NRCAM: variants seen among roughly 807,000 people sequenced by gnomAD.
The protein encoded by NRCAM is NgCAM-related cell adhesion molecule.
NRCAM carries 83 observed loss-of-function variants against 156.5 expected under a neutral mutation model. The observed-to-expected ratio is 0.53, with a 90% CI of 0.44 to 0.64. NRCAM has a LOEUF of 0.64. Among genes scored for constraint, NRCAM ranks in the 30% least tolerant of loss-of-function variants. The pLI is 0.00. For synonymous variants in NRCAM, 538 were observed against 563.9 expected, an observed-to-expected ratio of 0.95 and a Z score of 0.65; for missense variants, 1,417 against 1,597.3, an observed-to-expected ratio of 0.89 and a Z score of 1.92.
intron 30 of NRCAM, among the ~76,000 whole-genome samples, chr7:108,161,898 A>G (rs1001378617): frequency 6.7e-6 from 1 of 150,190 alleles, no homozygotes; most frequent in Non-Finnish European, 1.5e-5. Context: ...TTATTAGAGA[A>G]GTTTTGAGCT....
At chr7:108,388,995 T>G (rs866357449) in intron 2 of NRCAM, among the ~76,000 whole-genome samples, 1 of 152,214 alleles carries the variant, frequency 6.6e-6, no homozygotes, top group East Asian at 1.9e-4. Flanking sequence ...GGTAGCATGA[T>G]GCCTCCAGCT....
chr7:108,346,362 T>C (rs2099354343), intron 2 of NRCAM, among the ~76,000 whole-genome samples: 1 of 152,176 alleles, frequency 6.6e-6, no homozygotes. Flanking sequence ...ACAGTATGCT[T>C]TTTTACATGT....
At chr7:108,288,585 CT>C (rs1418607512) in intron 3 of NRCAM, among the ~76,000 whole-genome samples, 3 of 152,182 alleles carry the variant, frequency 2.0e-5, no homozygotes, top group Non-Finnish European at 4.4e-5. Context: ...TTGCATACCC[CT>C]ATCTTTATTT....
At chr7:108,286,808 G>A (rs1259006944) in intron 3 of NRCAM, among the ~76,000 whole-genome samples, 6 of 152,132 alleles carry the variant, frequency 3.9e-5, no homozygotes, top group Non-Finnish European at 7.4e-5. Context: ...TTTAATGTCC[G>A]TAGAATCAGA....
At chr7:108,401,070 A>C (rs1395934626) in intron 1 of NRCAM, among the ~76,000 whole-genome samples, 2 of 151,968 alleles carry the variant, frequency 1.3e-5, no homozygotes, top group Non-Finnish European at 2.9e-5. Flanking sequence ...GACAAGCCTG[A>C]TCAACATGGT....
At chr7:108,414,924 G>C (rs189053068) in intron 1 of NRCAM, among the ~76,000 whole-genome samples, 2 of 152,262 alleles carry the variant, frequency 1.3e-5, no homozygotes, top group East Asian at 3.9e-4. Flanking sequence ...TGAACAGAGG[G>C]GCTTGCTGGG....
At chr7:108,201,566 T>C (rs1469703654) in intron 13 of NRCAM, among the ~76,000 whole-genome samples, 2 of 152,226 alleles carry the variant, frequency 1.3e-5, no homozygotes, top group African/African-American at 2.4e-5. Flanking sequence ...GTAAATTTTG[T>C]TATGTGTTTT....
chr7:108,215,665 C>T (rs548986555), intron 11 of NRCAM, among the ~76,000 whole-genome samples: 2 of 151,516 alleles, frequency 1.3e-5, no homozygotes, highest in Non-Finnish European at 2.9e-5. Context: ...TTATGTAATA[C>T]CCTTGTCTTT....
chr7:108,328,508 T>G (rs1173110695), intron 2 of NRCAM: 1 of 152,210 alleles, frequency 6.6e-6, no homozygotes, highest in Non-Finnish European at 1.5e-5. Context: ...AGCACATTTC[T>G]GCAGATAAAA....
At chr7:108,286,835 T>C (rs553054394) in intron 3 of NRCAM, among the ~76,000 whole-genome samples, 12 of 152,322 alleles carry the variant, frequency 7.9e-5, no homozygotes, top group Admixed American at 4.6e-4. Context: ...ATTTTTATTA[T>C]GTTTAGGCAC....
chr7:108,255,851 G>C (rs1329629916), intron 3 of NRCAM, among the ~76,000 whole-genome samples: 6 of 141,032 alleles, frequency 4.3e-5, no homozygotes, highest in Admixed American at 7.2e-5. Context: ...CCCTCCGCCC[G>C]GCAGCCGCCC....
At chr7:108,337,403 G>T (rs1245339991) in intron 2 of NRCAM, among the ~76,000 whole-genome samples, 1 of 151,956 alleles carries the variant, frequency 6.6e-6, no homozygotes, top group Non-Finnish European at 1.5e-5. Context: ...GCTTTTGCTC[G>T]CCATCCACCA....
intron 25 of NRCAM, chr7:108,178,394 G>C (rs1296679813): frequency 2.2e-6 from 1 of 452,246 alleles, no homozygotes; most frequent in Non-Finnish European, 4.2e-6. Flanking sequence ...TTTAAAAAGA[G>C]GCAGTACTTG....
chr7:108,324,493 C>A (rs1238320546), intron 2 of NRCAM, among the ~76,000 whole-genome samples: 3 of 152,210 alleles, frequency 2.0e-5, no homozygotes, highest in Middle Eastern at 3.4e-3. Context: ...TGGGTGTAGT[C>A]AAATCAGCAA....
chr7:108,233,282 A>G (rs937354033), intron 6 of NRCAM, among the ~76,000 whole-genome samples: 2 of 151,944 alleles, frequency 1.3e-5, no homozygotes, highest in Non-Finnish European at 2.9e-5. Flanking sequence ...ACGAATCTCT[A>G]AACGTCACAG....
intron 2 of NRCAM, among the ~76,000 whole-genome samples, chr7:108,370,035 G>A (rs1473532178): frequency 1.3e-5 from 2 of 151,946 alleles, no homozygotes; most frequent in Non-Finnish European, 1.5e-5. Context: ...GAAAATATTC[G>A]GTAATAGAAT....
At chr7:108,359,300 G>A (rs966860167) in intron 2 of NRCAM, among the ~76,000 whole-genome samples, 1 of 152,140 alleles carries the variant, frequency 6.6e-6, no homozygotes, top group African/African-American at 2.4e-5. Context: ...GGCACATTGT[G>A]AGCACTATAA....
At chr7:108,353,138 T>C (rs947837885) in intron 2 of NRCAM, among the ~76,000 whole-genome samples, 3 of 152,182 alleles carry the variant, frequency 2.0e-5, no homozygotes, top group Admixed American at 6.5e-5. Context: ...ATAATTCTTC[T>C]TGTTTCTTGT....
At chr7:108,156,860 A>T (rs779932838) in intron 32 of NRCAM, among the ~76,000 whole-genome samples, 1 of 152,204 alleles carries the variant, frequency 6.6e-6, no homozygotes, top group Non-Finnish European at 1.5e-5. Flanking sequence ...TATTAAAAAT[A>T]AAAGATTCTG....
Sources: gnomAD v4.1 joint callset for allele counts (sites outside exome capture counted in the v4.1 genomes callset) on GRCh38, gnomAD v4.1.1 for gene constraint, MANE v1.5 for transcripts, NCBI Gene and HGNC (gene_info 2026-07-23, HGNC 2026-07-21) for gene names.